RARB: variants seen among roughly 807,000 people sequenced by gnomAD.
RARB encodes the protein HBV-activated protein.
RARB carries 17 observed loss-of-function variants against 51.9 expected under a neutral mutation model. The observed-to-expected ratio is 0.33, with a 90% CI of 0.22 to 0.49. The LOEUF (loss-of-function observed/expected upper bound fraction) is 0.49, where lower values mean the gene tolerates loss of function less well. Among genes scored for constraint, RARB ranks in the 20% least tolerant of loss-of-function variants. The pLI is 0.99. For missense variants in RARB, 369 were observed against 550.8 expected, an observed-to-expected ratio of 0.67 and a Z score of 3.30; for synonymous variants, 215 against 195.4, an observed-to-expected ratio of 1.10 and a Z score of -0.84.
intron 5 of RARB, among the ~76,000 whole-genome samples, chr3:25,260,601 C>T (rs1311205771): frequency 1.3e-5 from 2 of 152,098 alleles, no homozygotes; most frequent in Non-Finnish European, 2.9e-5. Flanking sequence ...GCAACCCAAC[C>T]CCAACCCAGC....
chr3:25,178,022 G>T (rs530471088), intron 5 of RARB, among the ~76,000 whole-genome samples: 145 of 152,014 alleles, frequency 9.5e-4, no homozygotes, highest in Middle Eastern at 6.8e-3. Flanking sequence ...GGTTTCTCCC[G>T]GTCCACATGC....
At chr3:24,944,701 T>A (rs1007838209) in intron 2 of RARB, among the ~76,000 whole-genome samples, 8 of 152,224 alleles carry the variant, frequency 5.3e-5, no homozygotes, top group African/African-American at 1.9e-4. Context: ...TTTCCTCGGG[T>A]GACTTGCTTT....
intron 1 of RARB, among the ~76,000 whole-genome samples, chr3:25,432,570 C>T (rs191921168): frequency 4.1e-4 from 62 of 152,136 alleles, no homozygotes; most frequent in African/African-American, 1.3e-3. Flanking sequence ...TATATACAAC[C>T]GAGGGTATTG....
At chr3:25,247,621 C>G (rs1017687607) in intron 5 of RARB, among the ~76,000 whole-genome samples, 8 of 152,214 alleles carry the variant, frequency 5.3e-5, no homozygotes, top group Non-Finnish European at 1.0e-4. Flanking sequence ...ATGCCCCACC[C>G]TGCTTCTGCT....
In RARB at chr3:25,400,442, C is replaced by T. The variant is rs998777864; in HGVS notation, c.179-60751C>T. Among the ~76,000 whole-genome samples the T allele has an allele frequency of 7.2e-5, 11 of 152,214 alleles. No individual in the cohort carries two copies. The South Asian group carries it at 2.1e-3, about 29-fold the overall frequency. On this transcript the variant is annotated intron_variant, in intron 5 of 11. Transcript: ENST00000383772. ...TTATTCCATAATTCAAGCATTGTGA[C>T]GTGTTGTTCTGTGAAATGCTGATAA...
intron 2 of RARB, among the ~76,000 whole-genome samples, chr3:24,859,323 G>C (rs1051633118): frequency 2.0e-5 from 3 of 152,126 alleles, no homozygotes; most frequent in Non-Finnish European, 4.4e-5. Flanking sequence ...CTGAGAAAGT[G>C]GGAATGGATT....
chr3:24,964,674 G>A (rs1696214985), intron 2 of RARB, among the ~76,000 whole-genome samples: 1 of 152,184 alleles, frequency 6.6e-6, no homozygotes, highest in Admixed American at 6.5e-5. Context: ...GTGAAGTTGG[G>A]AGTAACGAAC....
intron 2 of RARB, among the ~76,000 whole-genome samples, chr3:24,880,007 T>TAAATA (rs3057215): frequency 3.5e-3 from 189 of 54,270 alleles, no homozygotes; most frequent in African/African-American, 0.018. Context: ...CCCCTAATAG[T>TAAATA]CAAAGACATA....
At chr3:24,861,982 G>T (rs942250988) in intron 2 of RARB, among the ~76,000 whole-genome samples, 2 of 152,142 alleles carry the variant, frequency 1.3e-5, no homozygotes, top group Non-Finnish European at 2.9e-5. Context: ...TGCTGACCAG[G>T]CACAAACTTC....
intron 5 of RARB, among the ~76,000 whole-genome samples, chr3:25,246,111 G>C (rs1413708209): frequency 6.6e-6 from 1 of 151,660 alleles, no homozygotes; most frequent in African/African-American, 2.4e-5. Context: ...TGATCGATTT[G>C]GCTATTGATA....
At chr3:24,893,998 AC>A (rs1475389415) in intron 2 of RARB, among the ~76,000 whole-genome samples, 1 of 145,464 alleles carries the variant, frequency 6.9e-6, no homozygotes, top group Non-Finnish European at 1.5e-5. Flanking sequence ...TGTTGAACAA[AC>A]AAATGAACAA....
intron 1 of RARB, among the ~76,000 whole-genome samples, chr3:24,843,138 C>A (rs1026206305): frequency 2.0e-4 from 31 of 152,080 alleles, no homozygotes; most frequent in Admixed American, 1.4e-3. Context: ...TTAATGATAA[C>A]CATGCTTTAA....
intron 2 of RARB, among the ~76,000 whole-genome samples, chr3:24,904,854 C>T (rs1694819772): frequency 6.6e-6 from 1 of 152,180 alleles, no homozygotes; most frequent in African/African-American, 2.4e-5. Context: ...GAGTTCATGT[C>T]CTTTGCAGGG....
chr3:24,939,976 T>A (rs1409918819), intron 2 of RARB, among the ~76,000 whole-genome samples: 2 of 152,220 alleles, frequency 1.3e-5, no homozygotes, highest in Non-Finnish European at 2.9e-5. Context: ...TTGGATAAAT[T>A]TTGTGATTCT....
intron 5 of RARB, among the ~76,000 whole-genome samples, chr3:25,235,847 T>C (rs1299652867): frequency 6.6e-6 from 1 of 152,182 alleles, no homozygotes; most frequent in African/African-American, 2.4e-5. Context: ...CCCATAGTAT[T>C]TGTATCTGTG....
chr3:25,217,600 G>A lies in RARB; in HGVS notation c.178+43025G>A, dbSNP rs79273469. On this transcript the variant is annotated intron_variant, in intron 5 of 11. Transcript: ENST00000383772. ...AGTCACTGCCAGGAGACCTGGGATT[G>A]AATCTTTGGTTTGTCAGTTACTAGC... Among the ~76,000 whole-genome samples the A allele has an allele frequency of 6.6e-3, 1,003 of 152,208 alleles. 7 individuals carry two copies. Among genetic ancestry groups the A allele is most frequent in the African/African-American group, 0.022 (901 of 41,538 alleles).
chr3:25,106,704 G>A (rs941021036), intron 3 of RARB, among the ~76,000 whole-genome samples: 1 of 150,732 alleles, frequency 6.6e-6, no homozygotes, highest in Non-Finnish European at 1.5e-5. Context: ...CATGCATATT[G>A]TAACACTTTC....
chr3:25,408,522 A>G (rs1707475066), intron 5 of RARB, among the ~76,000 whole-genome samples: 1 of 152,164 alleles, frequency 6.6e-6, no homozygotes, highest in African/African-American at 2.4e-5. Flanking sequence ...CCCTCCTCTA[A>G]TTAGGGTGGG....
Position 25,596,704 on chromosome 3 carries a change from T to A in RARB, c.*88T>A. 1 of 1,200,952 alleles carries A rather than the reference T, an allele frequency of 8.3e-7. No homozygotes were observed. The highest frequency in any genetic ancestry group is 2.6e-5 in the Admixed American group (1 of 38,738). The allele number at this position is 1,200,952 out of a possible 1,614,324, so 74.4% of individuals were successfully genotyped here. ...AAAAAACATTTTTACTGCTGCTTAG[T>A]TTTTGGACTGAAAAGATATTAAAAC... On this transcript the variant is annotated 3_prime_UTR_variant, in exon 8 of 8. Transcript: ENST00000330688.
Sources: gnomAD v4.1 joint callset for allele counts (sites outside exome capture counted in the v4.1 genomes callset) on GRCh38, gnomAD v4.1.1 for gene constraint, MANE v1.5 for transcripts, NCBI Gene and HGNC (gene_info 2026-07-23, HGNC 2026-07-21) for gene names.